Variants in ADSS1 observed in about 807,000 individuals in gnomAD.
ADSS1 encodes adenylosuccinate synthase 1, also known as adenylosuccinate synthetase isozyme 1.
A neutral mutation model predicts 59.1 loss-of-function variants in ADSS1; 57 were observed. That is an observed-to-expected ratio of 0.97 (90% CI 0.78 to 1.20). The LOEUF is 1.20. Ranked by LOEUF, ADSS1 falls within the 50% of genes most tolerant of loss-of-function variation. The pLI, the probability that ADSS1 is intolerant of heterozygous loss-of-function variation, is 0.00. For synonymous variants in ADSS1, 247 were observed against 249.4 expected, an observed-to-expected ratio of 0.99 and a Z score of 0.09; for missense variants, 603 against 610.3, an observed-to-expected ratio of 0.99 and a Z score of 0.13.
At chr14:104,725,821 G>A (rs745772950) in intron 1 of ADSS1, among the ~76,000 whole-genome samples, 16 of 152,182 alleles carry the variant, frequency 1.1e-4, no homozygotes, top group Admixed American at 7.2e-4. Flanking sequence ...CTCTGCTCCC[G>A]TGAGGCCCAG....
At chr14:104,729,041 A>T (rs752699171) in intron 1 of ADSS1, among the ~76,000 whole-genome samples, 5 of 151,946 alleles carry the variant, frequency 3.3e-5, no homozygotes, top group Non-Finnish European at 7.4e-5. Flanking sequence ...GGAGCATGGG[A>T]GGTAGCGAGC....
intron 8 of ADSS1, 128 bp downstream of exon 8, chr14:104,741,371 C>A: frequency 7.9e-7 from 1 of 1,259,994 alleles, no homozygotes; most frequent in Non-Finnish European, 1.1e-6. Context: ...CAGTGCCATC[C>A]ATGCCCGCGG....
chr14:104,733,189 C>T (rs1890992754), intron 1 of ADSS1, among the ~76,000 whole-genome samples: 2 of 152,194 alleles, frequency 1.3e-5, no homozygotes, highest in Admixed American at 6.5e-5. Context: ...CTCTCCACCT[C>T]CCAGGATCCC....
rs149106754 is a variant in ADSS1, at chr14:104,732,877, T to C, written c.193-2143T>C. 3.8e-3 allele frequency among the ~76,000 whole-genome samples: 582 copies of C among 152,316 alleles called. 7 individuals carry two copies. Among genetic ancestry groups the C allele is most frequent in the African/African-American group, 0.013 (531 of 41,580 alleles). ...CCCAGCGGAGAGGAATTACCACATA[T>C]GTGCCGAGGCAAGGACAGAGTAAGA... On this transcript the variant is annotated intron_variant, in intron 1 of 12. Coordinates refer to ENST00000330877, the MANE Select transcript of ADSS1 (RefSeq NM_152328.5).
chr14:104,738,369 C>G lies in ADSS1; in HGVS notation c.296-7C>G, dbSNP rs932631035. ...CTCTGTCTCTCATGCCTCTGTCTCT[C>G]ATGCAGGCAACGGGGTGGTCATCCA... is the stretch of plus-strand genomic sequence containing the variant. On this transcript the variant is annotated splice_region_variant and splice_polypyrimidine_tract_variant and intron_variant, in intron 2 of 12. Coordinates refer to ENST00000330877, the MANE Select transcript of ADSS1 (RefSeq NM_152328.5). 4 of 1,613,702 alleles carry G rather than the reference C, an allele frequency of 2.5e-6. No homozygotes were observed. The African/African-American group carries it at 5.3e-5, about 22-fold the overall frequency.
intron 11 of ADSS1, chr14:104,745,557 A>G (rs572325815): frequency 1.3e-5 from 2 of 153,248 alleles, no homozygotes; most frequent in South Asian, 4.1e-4. Context: ...GTCTCCACTC[A>G]GCAGATCTTT....
rs1049294684 is a variant in ADSS1, at chr14:104,730,184, G to A, written c.193-4836G>A. On this transcript the variant is annotated intron_variant, in intron 1 of 12. Coordinates refer to ENST00000330877, the MANE Select transcript of ADSS1 (RefSeq NM_152328.5). ...CTGCCTGCCCAGGAGGACTGCAGGA[G>A]CCGGATCCTTAACACCTGGAGGGGA... 37 of 1,527,944 alleles carry A rather than the reference G, an allele frequency of 2.4e-5. 1 individual carries two copies. The highest frequency in any genetic ancestry group is 1.5e-4 in the East Asian group (6 of 40,368). The allele number at this position is 1,527,944 out of a possible 1,614,324, so 94.6% of individuals were successfully genotyped here.
intron 3 of ADSS1, among the ~76,000 whole-genome samples, chr14:104,738,889 C>T (rs73362566): frequency 0.058 from 8,786 of 152,184 alleles, 831 homozygotes; most frequent in African/African-American, 0.2. Context: ...TCTGGGAGGA[C>T]GCTGAGCTGC....
chr14:104,733,753 G>A (rs986969341), intron 1 of ADSS1, among the ~76,000 whole-genome samples: 1 of 152,186 alleles, frequency 6.6e-6, no homozygotes, highest in Admixed American at 6.5e-5. Flanking sequence ...GGGACAGAGT[G>A]GGCCCCAAAA....
At position 104,746,704 on chromosome 14, in the gene ADSS1, A is replaced by C. The variant is rs543042960; in HGVS notation, c.1322-247A>C. On this transcript the variant is annotated intron_variant, in intron 12 of 12. Transcript: ENST00000330877. Reference sequence around the variant, plus strand: ...CTACAGAGAAAGGGTCTGCAGGGAGAGTCACTAAGTAACTAACGTTGCCAT... The same window carrying C: ...CTACAGAGAAAGGGTCTGCAGGGAGCGTCACTAAGTAACTAACGTTGCCAT... 7.9e-5 allele frequency among the ~76,000 whole-genome samples: 12 copies of C among 152,320 alleles called. No individual in the cohort carries two copies. In the South Asian group the frequency reaches 1.5e-3, roughly 18 times the overall value.
rs149781522 is a variant in ADSS1, at chr14:104,742,837, C to T, written c.949-230C>T. 5.7e-3 allele frequency among the ~76,000 whole-genome samples: 864 copies of T among 152,294 alleles called. 7 individuals carry two copies. Among genetic ancestry groups the T allele is most frequent in the South Asian group, 0.028 (135 of 4,832 alleles). The stretch of plus-strand genomic sequence containing the variant: ...TGGTGTGTTCAGGAAGAGCGCTCGC[C>T]GGCTCGGGTGGCATTGTGGGCCAGG... On this transcript the variant is annotated intron_variant, in intron 9 of 12. Coordinates refer to ENST00000330877, the MANE Select transcript of ADSS1 (RefSeq NM_152328.5).
chr14:104,735,301 G>T lies in ADSS1; in HGVS notation c.295+179G>T, dbSNP rs145376192. ...GTGCACAGAAACCTGCATAGCCCGG[G>T]CCTGGGCTGGGAACGCAGCTGAGAG... On this transcript the variant is annotated intron_variant, in intron 2 of 12. Transcript: ENST00000330877. 4.4e-3 allele frequency among the ~76,000 whole-genome samples: 675 copies of T among 152,338 alleles called. 9 individuals carry two copies. Among genetic ancestry groups the T allele is most frequent in the South Asian group, 0.028 (134 of 4,834 alleles).
In ADSS1 at chr14:104,726,803, G is replaced by A. The variant is rs867230917; in HGVS notation, c.192+2341G>A. Among the ~76,000 whole-genome samples, 99 of 152,232 alleles carry A rather than the reference G, an allele frequency of 6.5e-4. 1 individual carries two copies. The highest frequency in any genetic ancestry group is 2.3e-3 in the African/African-American group (97 of 41,452). ...TGCACGCCGTGGGCAGAGCGGGCTG[G>A]GCCGCATCTGGGAGGCAGGCTGGCT... is the stretch of plus-strand genomic sequence containing the variant. On this transcript the variant is annotated intron_variant, in intron 1 of 12. Coordinates refer to ENST00000330877, the MANE Select transcript of ADSS1 (RefSeq NM_152328.5).
chr14:104,741,736 GC>G (rs1891365707), intron 8 of ADSS1, 111 bp from the exon 9 acceptor site: 6 of 1,424,278 alleles, frequency 4.2e-6, no homozygotes, highest in South Asian at 1.3e-5. Flanking sequence ...CACGGAGGGG[GC>G]CCCCCACGGT....
chr14:104,745,665 T>C (rs1390085848), intron 11 of ADSS1: 1 of 152,688 alleles, frequency 6.5e-6, no homozygotes, highest in Non-Finnish European at 1.5e-5. Context: ...AGGCTGCACT[T>C]GTGAGGACTG....
At chr14:104,739,480 G>C (rs1300787605) in intron 4 of ADSS1, 102 bp downstream of exon 4, 6 of 1,332,182 alleles carry the variant, frequency 4.5e-6, no homozygotes, top group Non-Finnish European at 6.3e-6. Context: ...AGTCCCCAAG[G>C]CCTTCTTGCT....
chr14:104,729,521 G>A (rs866060899), intron 1 of ADSS1, among the ~76,000 whole-genome samples: 3 of 139,608 alleles, frequency 2.1e-5, no homozygotes, highest in African/African-American at 8.4e-5. Context: ...GGGGAGGAGC[G>A]TGGCGTCGGC....
chr14:104,730,967 G>GGGC (rs1890909045), intron 1 of ADSS1, among the ~76,000 whole-genome samples: 1 of 114,224 alleles, frequency 8.8e-6, no homozygotes, highest in East Asian at 3.0e-4. Context: ...GTGGGGGGGG[G>GGGC]GGGGGGGCTC....
chr14:104,724,584 G>C, intron 1 of ADSS1, 122 bp downstream of exon 1: 1 of 1,210,974 alleles, frequency 8.3e-7, no homozygotes, highest in Non-Finnish European at 1.0e-6. Flanking sequence ...CCTTCCTTCC[G>C]GGAGCACCTT....
Sources: gnomAD v4.1 joint callset for allele counts (sites outside exome capture counted in the v4.1 genomes callset) on GRCh38, gnomAD v4.1.1 for gene constraint, MANE v1.5 for transcripts, NCBI Gene and HGNC (gene_info 2026-07-23, HGNC 2026-07-21) for gene names.